LSAMP: variants seen among roughly 807,000 people sequenced by gnomAD.
The protein encoded by LSAMP is limbic system associated membrane protein.
Under a neutral mutation model 38.6 loss-of-function variants are expected in LSAMP, and 7 were observed. The observed-to-expected ratio is 0.18, with a 90% CI of 0.10 to 0.34. The LOEUF (loss-of-function observed/expected upper bound fraction) is 0.34. Ranked by LOEUF, LSAMP falls within the 10% of genes least tolerant of loss-of-function variation. LSAMP has a pLI of 1.00. For missense variants in LSAMP, 313 were observed against 420.0 expected, an observed-to-expected ratio of 0.75 and a Z score of 2.23; for synonymous variants, 154 against 166.8, an observed-to-expected ratio of 0.92 and a Z score of 0.59.
At position 116,028,864 on chromosome 3, in the gene LSAMP, C is replaced by T. The variant is rs999965576; in HGVS notation, c.389-9224G>A. Among the ~76,000 whole-genome samples, 12 of 152,088 alleles carry T rather than the reference C, an allele frequency of 7.9e-5. No homozygotes were observed. The East Asian group carries it at 2.3e-3, about 29-fold the overall frequency. ...TTGTGGCATTAACAATAAATTACCC[C>T]AAAGATATGTATTGAGCTTTTATCT... On this transcript the variant is annotated intron_variant, in intron 2 of 6. Transcript: ENST00000490035.
In LSAMP at chr3:115,940,457, C is replaced by T. The variant is rs566475457; in HGVS notation, c.514+79058G>A. 7.9e-5 allele frequency among the ~76,000 whole-genome samples: 12 copies of T among 152,230 alleles called. No individual in the cohort carries two copies. In the South Asian group the frequency reaches 1.5e-3, roughly 18 times the overall value. On this transcript the variant is annotated intron_variant, in intron 3 of 6. Coordinates refer to ENST00000490035, the MANE Select transcript of LSAMP (RefSeq NM_002338.5). The stretch of plus-strand genomic sequence containing the variant: ...GCTAGACACAGAGCGCTGATTGGTG[C>T]GTTTACAATCCTTTAGCTAGACACA...
At chr3:116,022,477 A>G (rs1425219087) in intron 2 of LSAMP, among the ~76,000 whole-genome samples, 1 of 152,062 alleles carries the variant, frequency 6.6e-6, no homozygotes, top group Non-Finnish European at 1.5e-5. Flanking sequence ...CAATTATCAT[A>G]TTGTTTCTAG....
intron 1 of LSAMP, among the ~76,000 whole-genome samples, chr3:116,120,878 G>T (rs1708858665): frequency 6.6e-6 from 1 of 152,156 alleles, no homozygotes; most frequent in Non-Finnish European, 1.5e-5. Context: ...ATCATAACTG[G>T]AGGCTAGGAG....
At chr3:116,042,617 A>G (rs1262103350) in intron 2 of LSAMP, among the ~76,000 whole-genome samples, 4 of 151,770 alleles carry the variant, frequency 2.6e-5, no homozygotes, top group Non-Finnish European at 4.4e-5. Context: ...TTTAGTAGAG[A>G]CGGGGTTTCA....
At chr3:115,962,841 G>A (rs1938673801) in intron 3 of LSAMP, among the ~76,000 whole-genome samples, 1 of 152,108 alleles carries the variant, frequency 6.6e-6, no homozygotes, top group Non-Finnish European at 1.5e-5. Flanking sequence ...GCAAATGATA[G>A]GCCTCAGAGG....
intron 1 of LSAMP, among the ~76,000 whole-genome samples, chr3:116,410,092 T>G (rs2048951120): frequency 6.6e-6 from 1 of 152,042 alleles, no homozygotes; most frequent in Non-Finnish European, 1.5e-5. Flanking sequence ...CCTTTCTGAG[T>G]TTTCATTATG....
intron 1 of LSAMP, among the ~76,000 whole-genome samples, chr3:116,221,500 TTGTC>T (rs764737234): frequency 1.5e-4 from 23 of 152,144 alleles, no homozygotes; most frequent in Non-Finnish European, 3.1e-4. Context: ...CTCCACTCAT[TTGTC>T]TGTAAAGTGA....
chr3:116,424,756 C>T (rs996331835), intron 1 of LSAMP, among the ~76,000 whole-genome samples: 6 of 152,076 alleles, frequency 3.9e-5, no homozygotes, highest in African/African-American at 1.2e-4. Flanking sequence ...TTTTTCTGAT[C>T]GATGGAGCTC....
chr3:115,870,800 A>T (rs10934314), intron 3 of LSAMP, among the ~76,000 whole-genome samples: 29,267 of 152,070 alleles, frequency 0.19, 3,677 homozygotes, highest in African/African-American at 0.34. Context: ...TTGCTGCATT[A>T]GCTGTGGAGT....
At chr3:115,811,429 T>C (rs1311473679) in intron 6 of LSAMP, among the ~76,000 whole-genome samples, 3 of 152,036 alleles carry the variant, frequency 2.0e-5, no homozygotes, top group Non-Finnish European at 4.4e-5. Context: ...GAAAAAATAG[T>C]ATTTTTCACT....
At chr3:116,311,831 A>G (rs967590894) in intron 1 of LSAMP, among the ~76,000 whole-genome samples, 1 of 152,200 alleles carries the variant, frequency 6.6e-6, no homozygotes, top group Non-Finnish European at 1.5e-5. Context: ...CAGCAGTAGC[A>G]GTGGTAGTAT....
At chr3:115,957,964 G>C (rs1938503711) in intron 3 of LSAMP, among the ~76,000 whole-genome samples, 1 of 152,064 alleles carries the variant, frequency 6.6e-6, no homozygotes, top group Non-Finnish European at 1.5e-5. Context: ...AGAGGTGGAA[G>C]GTTTTCTGGC....
intron 3 of LSAMP, among the ~76,000 whole-genome samples, chr3:115,878,516 C>T (rs1441639320): frequency 8.3e-6 from 1 of 120,964 alleles, no homozygotes; most frequent in Non-Finnish European, 1.6e-5. Context: ...GGCTGGAGTG[C>T]AGTGGTACGA....
At chr3:116,081,594 T>C (rs1161088251) in intron 2 of LSAMP, among the ~76,000 whole-genome samples, 1 of 152,198 alleles carries the variant, frequency 6.6e-6, no homozygotes, top group Admixed American at 6.5e-5. Context: ...ATGAGGCTTT[T>C]TAAATGTGGA....
At chr3:116,279,655 A>G (rs7639424) in intron 1 of LSAMP, among the ~76,000 whole-genome samples, 27,702 of 152,162 alleles carry the variant, frequency 0.18, 3,512 homozygotes, top group African/African-American at 0.36. Flanking sequence ...ATTATTGTAG[A>G]CATAAAATTA....
intron 1 of LSAMP, among the ~76,000 whole-genome samples, chr3:116,119,008 A>T (rs1708814774): frequency 6.6e-6 from 1 of 152,182 alleles, no homozygotes; most frequent in Non-Finnish European, 1.5e-5. Context: ...TGCTAGTTTG[A>T]GGACCACAAA....
At chr3:116,089,462 A>G (rs897835812) in intron 1 of LSAMP, among the ~76,000 whole-genome samples, 1 of 152,162 alleles carries the variant, frequency 6.6e-6, no homozygotes, top group Non-Finnish European at 1.5e-5. Context: ...GGTTCACGCC[A>G]TTCTCCTGCC....
intron 1 of LSAMP, among the ~76,000 whole-genome samples, chr3:116,350,862 C>T (rs2048129435): frequency 6.6e-6 from 1 of 151,982 alleles, no homozygotes; most frequent in Non-Finnish European, 1.5e-5. Context: ...TTTGCTGTCA[C>T]TTTAAACTGT....
intron 1 of LSAMP, among the ~76,000 whole-genome samples, chr3:116,244,725 T>C (rs80298706): frequency 0.039 from 6,008 of 152,298 alleles, 157 homozygotes; most frequent in African/African-American, 0.079. Context: ...TCCAAAAACA[T>C]CAGGGACTCA....
Sources: gnomAD v4.1 joint callset for allele counts (sites outside exome capture counted in the v4.1 genomes callset) on GRCh38, gnomAD v4.1.1 for gene constraint, MANE v1.5 for transcripts, NCBI Gene and HGNC (gene_info 2026-07-23, HGNC 2026-07-21) for gene names.